The following GRM7 variants were observed in gnomAD, a reference collection of about 807,000 sequenced individuals.
The protein encoded by GRM7 is metabotropic glutamate receptor 7.
In GRM7, 35 loss-of-function variants were observed where a neutral mutation model predicts 84.5. The ratio of observed to expected loss-of-function variants is 0.41; its 90% CI spans 0.32 to 0.55. The LOEUF is 0.55. Ranked by LOEUF, GRM7 falls within the 20% of genes least tolerant of loss-of-function variation. The probability of loss-of-function intolerance (pLI) is 0.19; values close to 1 mark genes in which losing one functional copy is unlikely to be tolerated. For synonymous variants in GRM7, 487 were observed against 455.1 expected (o/e 1.07, Z -0.89); for missense variants, 1,003 against 1,194.6 (o/e 0.84, Z 2.36).
intron 2 of GRM7, among the ~76,000 whole-genome samples, chr3:7,229,759 A>ATATATATATATATATATT (rs1434216248): frequency 3.3e-5 from 1 of 30,426 alleles, no homozygotes; most frequent in Non-Finnish European, 5.7e-5. Flanking sequence ...ATATATATAT[A>ATATATATATATATATATT]TTTTTTTTTT....
intron 1 of GRM7, among the ~76,000 whole-genome samples, chr3:6,865,648 A>G (rs777238839): frequency 6.6e-6 from 1 of 152,056 alleles, no homozygotes; most frequent in African/African-American, 2.4e-5. Context: ...ACCTTGTATC[A>G]TAAATGAAAT....
intron 2 of GRM7, among the ~76,000 whole-genome samples, chr3:7,248,433 G>A (rs1327812307): frequency 6.6e-6 from 1 of 152,016 alleles, no homozygotes; most frequent in African/African-American, 2.4e-5. Flanking sequence ...TGTATGAGGA[G>A]TATCGGAATA....
intron 7 of GRM7, among the ~76,000 whole-genome samples, chr3:7,546,386 T>C (rs1693151908): frequency 6.6e-6 from 1 of 152,224 alleles, no homozygotes; most frequent in Admixed American, 6.5e-5. Context: ...ACAATTGTGC[T>C]AGTTTCAGGA....
At chr3:7,181,028 G>A (rs943838767) in intron 2 of GRM7, among the ~76,000 whole-genome samples, 8 of 152,144 alleles carry the variant, frequency 5.3e-5, no homozygotes, top group East Asian at 3.9e-4. Flanking sequence ...AAATCTTGGC[G>A]ACTTTTGAGA....
chr3:7,125,205 C>T (rs1051219826), intron 1 of GRM7, among the ~76,000 whole-genome samples: 4 of 152,158 alleles, frequency 2.6e-5, no homozygotes, highest in African/African-American at 9.7e-5. Flanking sequence ...CTCCTAAGTG[C>T]TGGGATTACA....
intron 1 of GRM7, among the ~76,000 whole-genome samples, chr3:7,042,070 G>A (rs975710238): frequency 6.6e-6 from 1 of 152,144 alleles, no homozygotes; most frequent in African/African-American, 2.4e-5. Flanking sequence ...CTCGCCCTAT[G>A]CATCTCTTGA....
intron 7 of GRM7, among the ~76,000 whole-genome samples, chr3:7,475,462 T>C (rs1006092397): frequency 2.7e-5 from 4 of 150,336 alleles, no homozygotes; most frequent in African/African-American, 9.8e-5. Context: ...CTGATAATTA[T>C]TTTTTTTTTC....
intron 9 of GRM7, among the ~76,000 whole-genome samples, chr3:7,701,658 A>G (rs1701234562): frequency 6.6e-6 from 1 of 152,072 alleles, no homozygotes; most frequent in African/African-American, 2.4e-5. Flanking sequence ...AGGGTAATTA[A>G]ACGGGTGGTA....
At chr3:7,325,950 G>A (rs7615261) in intron 4 of GRM7, among the ~76,000 whole-genome samples, 73,787 of 151,854 alleles carry the variant, frequency 0.49, 18,848 homozygotes, top group African/African-American at 0.65. Flanking sequence ...AGACCTGAAT[G>A]TGTGTTTCAT....
rs78080957 is a variant in GRM7, at chr3:6,862,560, C to G, written c.519+653C>G. 1.2e-4 allele frequency among the ~76,000 whole-genome samples: 18 copies of G among 152,178 alleles called. No homozygotes were observed. The highest frequency in any genetic ancestry group is 4.1e-4 in the African/African-American group (17 of 41,450). ...AGATGCTGCCCGCAGACGTGACCCC[C>G]GGTTGGTTTGCTCCGGGCAATATTT... On this transcript the variant is annotated intron_variant, in intron 1 of 9. Transcript: ENST00000357716. The surrounding 1 kb of genome is among the most constrained non-coding windows in gnomAD (Gnocchi z 5.2).
At position 6,916,182 on chromosome 3, in the gene GRM7, C is replaced by A. The variant is rs544847065; in HGVS notation, c.519+54275C>A. On this transcript the variant is annotated intron_variant, in intron 1 of 9. Coordinates refer to ENST00000357716, the MANE Select transcript of GRM7 (RefSeq NM_000844.4). ...CAGACACTAAAGATACAATAATGGG[C>A]AAAACAGACAGAGCTCATGTAGTCA... Among the ~76,000 whole-genome samples the A allele has an allele frequency of 7.9e-5, 12 of 152,218 alleles. No individual in the cohort carries two copies. The South Asian group carries it at 2.5e-3, about 32-fold the overall frequency.
intron 1 of GRM7, among the ~76,000 whole-genome samples, chr3:6,922,927 C>G (rs1479562630): frequency 6.6e-6 from 1 of 152,312 alleles, no homozygotes; most frequent in Admixed American, 6.5e-5. Flanking sequence ...GAACTGCATT[C>G]TAATCTTATC....
chr3:7,713,145 T>TTTTTTTTTTTTTC (rs1701649752), intron 9 of GRM7, among the ~76,000 whole-genome samples: 1 of 146,130 alleles, frequency 6.8e-6, no homozygotes, highest in Non-Finnish European at 1.5e-5. Flanking sequence ...TTTTTTTTTT[T>TTTTTTTTTTTTTC]TTTTTTTGAG....
intron 4 of GRM7, among the ~76,000 whole-genome samples, chr3:7,320,756 G>A (rs952183499): frequency 6.8e-6 from 1 of 147,242 alleles, no homozygotes; most frequent in African/African-American, 2.5e-5. Flanking sequence ...TTTGGAAATG[G>A]ATCCTTACTG....
At chr3:7,207,688 T>C (rs1696284881) in intron 2 of GRM7, among the ~76,000 whole-genome samples, 3 of 152,184 alleles carry the variant, frequency 2.0e-5, no homozygotes, top group African/African-American at 4.8e-5. Flanking sequence ...TCTCCTGGGC[T>C]TCAGCTTAGG....
chr3:7,729,381 T>C (rs1559509313), intron 9 of GRM7, among the ~76,000 whole-genome samples: 1 of 152,164 alleles, frequency 6.6e-6, no homozygotes, highest in African/African-American at 2.4e-5. Context: ...ATAACTCCTA[T>C]ACATATTACT....
intron 1 of GRM7, among the ~76,000 whole-genome samples, chr3:6,897,806 A>T (rs1696239244): frequency 6.6e-6 from 1 of 152,206 alleles, no homozygotes; most frequent in Admixed American, 6.5e-5. Context: ...GATGTAGGGA[A>T]ACAGAGATAG....
At chr3:7,182,818 T>G (rs1448128300) in intron 2 of GRM7, among the ~76,000 whole-genome samples, 1 of 152,010 alleles carries the variant, frequency 6.6e-6, no homozygotes, top group African/African-American at 2.4e-5. Context: ...ATAGACTATC[T>G]CATGAATTCA....
chr3:7,587,317 A>T (rs4686140), intron 8 of GRM7, among the ~76,000 whole-genome samples: 91,495 of 152,066 alleles, frequency 0.6, 27,905 homozygotes, highest in African/African-American at 0.69. Flanking sequence ...AATTAGAGTA[A>T]GTAAAGCTCT....
Sources: gnomAD v4.1 joint callset for allele counts (sites outside exome capture counted in the v4.1 genomes callset) on GRCh38, gnomAD v4.1.1 for gene constraint, Gnocchi (gnomAD v3.1) non-coding constraint, MANE v1.5 for transcripts, NCBI Gene and HGNC (gene_info 2026-07-23, HGNC 2026-07-21) for gene names.